The following NCAM2 variants were observed in gnomAD, a reference collection of about 807,000 sequenced individuals.
NCAM2 encodes the protein neural cell adhesion molecule 2, also known as N-CAM-2.
In NCAM2, 30 loss-of-function variants were observed where a neutral mutation model predicts 98.1. That is an observed-to-expected ratio of 0.31 (90% CI 0.23 to 0.41). The LOEUF (loss-of-function observed/expected upper bound fraction) is 0.41. Ranked by LOEUF, NCAM2 falls within the 10% of genes least tolerant of loss-of-function variation. The pLI, the probability that NCAM2 is intolerant of heterozygous loss-of-function variation, is 1.00. For missense variants in NCAM2, 867 were observed against 1,005.8 expected (o/e 0.86, Z 1.87); for synonymous variants, 368 against 342.4 (o/e 1.07, Z -0.83).
At chr21:21,155,370 G>A (rs898593280) in intron 1 of NCAM2, among the ~76,000 whole-genome samples, 1 of 151,372 alleles carries the variant, frequency 6.6e-6, no homozygotes, top group East Asian at 1.9e-4. Context: ...CATTTTAATA[G>A]CAGCTCATTA....
chr21:21,234,001 G>A (rs1006587059), intron 1 of NCAM2, among the ~76,000 whole-genome samples: 42 of 151,774 alleles, frequency 2.8e-4, no homozygotes, highest in African/African-American at 7.5e-4. Context: ...ATTTAAGAGC[G>A]TATAAAAGTT....
At chr21:21,253,550 A>G (rs2071549507) in intron 1 of NCAM2, among the ~76,000 whole-genome samples, 1 of 152,126 alleles carries the variant, frequency 6.6e-6, no homozygotes, top group Non-Finnish European at 1.5e-5. Context: ...GAACCAGAAA[A>G]CAAACCTCAC....
chr21:21,199,908 A>G (rs2081138540), intron 1 of NCAM2, among the ~76,000 whole-genome samples: 1 of 152,018 alleles, frequency 6.6e-6, no homozygotes, highest in African/African-American at 2.4e-5. Flanking sequence ...ACTAATTATT[A>G]ATACAATGGC....
intron 12 of NCAM2, among the ~76,000 whole-genome samples, chr21:21,435,009 T>C (rs997966078): frequency 9.9e-5 from 15 of 152,064 alleles, no homozygotes; most frequent in African/African-American, 3.1e-4. Flanking sequence ...CAGAAGGAGA[T>C]AGAATATTTC....
chr21:21,390,802 G>A (rs1801758376), intron 9 of NCAM2, among the ~76,000 whole-genome samples: 2 of 152,112 alleles, frequency 1.3e-5, no homozygotes, highest in Non-Finnish European at 2.9e-5. Flanking sequence ...TACATTCTAG[G>A]TATAATGTAA....
At chr21:21,033,025 A>G (rs9305995) in intron 1 of NCAM2, among the ~76,000 whole-genome samples, 137,007 of 151,562 alleles carry the variant, frequency 0.9, 63,234 homozygotes, top group East Asian at 0.99. Context: ...GCTAACTGCA[A>G]CCTCCGCCTC....
At position 21,542,574 on chromosome 21, in the gene NCAM2, GCCT is replaced by G. The variant is rs1990274323; in HGVS notation, c.*4620_*4622del. The G allele has an allele frequency of 6.6e-6, 1 of 151,244 alleles. No individual in the cohort carries two copies. Among genetic ancestry groups the G allele is most frequent in the Admixed American group, 6.6e-5 (1 of 15,092 alleles). The allele number at this position is 151,244 out of a possible 1,614,324, so 9.4% of individuals were successfully genotyped here. The stretch of plus-strand genomic sequence containing the variant: ...ATGAATCTTTTGGCATCTGTTTTTA[GCCT>G]CCCATGGAAGACAGTAAGCAAAACC... On this transcript the variant is annotated 3_prime_UTR_variant, in exon 18 of 18. Transcript: ENST00000400546.
intron 1 of NCAM2, among the ~76,000 whole-genome samples, chr21:21,020,700 A>G (rs2064416029): frequency 6.6e-6 from 1 of 152,076 alleles, no homozygotes; most frequent in South Asian, 2.1e-4. Context: ...TCCTGATTCG[A>G]GCTCTAGTGA....
chr21:21,487,228 A>G (rs1350550558), intron 15 of NCAM2, among the ~76,000 whole-genome samples: 1 of 152,180 alleles, frequency 6.6e-6, no homozygotes, highest in East Asian at 1.9e-4. Flanking sequence ...ATATGCAGCC[A>G]TAAAAATCAG....
intron 1 of NCAM2, among the ~76,000 whole-genome samples, chr21:21,029,820 C>T (rs1379807221): frequency 2.0e-5 from 3 of 151,720 alleles, no homozygotes; most frequent in African/African-American, 4.8e-5. Context: ...TTAGTAGAGA[C>T]GGGGTTTCAC....
intron 1 of NCAM2, among the ~76,000 whole-genome samples, chr21:21,158,420 G>A (rs1425476915): frequency 6.6e-6 from 1 of 151,976 alleles, no homozygotes; most frequent in African/African-American, 2.4e-5. Context: ...AGACCATCCT[G>A]GCCAGCATGG....
At chr21:21,074,967 G>T (rs1241512360) in intron 1 of NCAM2, among the ~76,000 whole-genome samples, 2 of 152,144 alleles carry the variant, frequency 1.3e-5, no homozygotes, top group Admixed American at 1.3e-4. Context: ...AGAGGATAAA[G>T]AAAATGTGGC....
intron 1 of NCAM2, among the ~76,000 whole-genome samples, chr21:21,279,854 A>C (rs943395573): frequency 6.6e-6 from 1 of 152,224 alleles, no homozygotes; most frequent in Non-Finnish European, 1.5e-5. Context: ...AGCACGTGGA[A>C]GGTGAGACGG....
chr21:21,059,272 C>A (rs1192952091), intron 1 of NCAM2, among the ~76,000 whole-genome samples: 1 of 151,914 alleles, frequency 6.6e-6, no homozygotes, highest in African/African-American at 2.4e-5. Flanking sequence ...GTCATTTGAT[C>A]CAGAAGAGAA....
chr21:21,054,746 A>G (rs2065180305), intron 1 of NCAM2, among the ~76,000 whole-genome samples: 2 of 152,038 alleles, frequency 1.3e-5, no homozygotes, highest in Admixed American at 1.3e-4. Flanking sequence ...TAGATTTTGA[A>G]AATTTGTCTC....
intron 1 of NCAM2, among the ~76,000 whole-genome samples, chr21:21,164,423 CTTTG>C (rs1555894890): frequency 3.3e-5 from 5 of 152,038 alleles, no homozygotes; most frequent in Non-Finnish European, 7.4e-5. Flanking sequence ...ACTGAATTAC[CTTTG>C]CAAGATATTT....
At chr21:21,289,020 G>A (rs1284621930) in intron 4 of NCAM2, among the ~76,000 whole-genome samples, 1 of 151,844 alleles carries the variant, frequency 6.6e-6, no homozygotes, top group Non-Finnish European at 1.5e-5. Flanking sequence ...TATTATACAA[G>A]TTGAATATCT....
chr21:21,199,190 T>C (rs1235066288), intron 1 of NCAM2, among the ~76,000 whole-genome samples: 1 of 152,206 alleles, frequency 6.6e-6, no homozygotes, highest in Non-Finnish European at 1.5e-5. Flanking sequence ...GGATATTTTT[T>C]TGGATTCAGG....
chr21:21,153,502 G>T (rs1203421161), intron 1 of NCAM2, among the ~76,000 whole-genome samples: 1 of 151,714 alleles, frequency 6.6e-6, no homozygotes, highest in Non-Finnish European at 1.5e-5. Context: ...GAAATATTGA[G>T]TACCATAAAT....
Sources: gnomAD v4.1 joint callset for allele counts (sites outside exome capture counted in the v4.1 genomes callset) on GRCh38, gnomAD v4.1.1 for gene constraint, MANE v1.5 for transcripts, NCBI Gene and HGNC (gene_info 2026-07-23, HGNC 2026-07-21) for gene names.